PCDH15: variants seen among roughly 807,000 people sequenced by gnomAD.
The protein encoded by PCDH15 is protocadherin related 15.
PCDH15 carries 129 observed loss-of-function variants against 178.5 expected under a neutral mutation model. The observed-to-expected ratio is 0.72, with a 90% CI of 0.63 to 0.84. The LOEUF (loss-of-function observed/expected upper bound fraction) is 0.84. Among genes scored for constraint, PCDH15 ranks in the 40% least tolerant of loss-of-function variants. The pLI, the probability that PCDH15 is intolerant of heterozygous loss-of-function variation, is 0.00. For synonymous variants in PCDH15, 800 were observed against 732.0 expected (o/e 1.09, Z -1.50); for missense variants, 2,230 against 2,099.9 (o/e 1.06, Z -1.21).
At chr10:54,832,354 TATAAC>T (rs56368831) in intron 3 of PCDH15, among the ~76,000 whole-genome samples, 59,355 of 151,916 alleles carry the variant, frequency 0.39, 11,863 homozygotes, top group East Asian at 0.53. Context: ...TTTAATATTT[TATAAC>T]ATGTCTACTT....
intron 9 of PCDH15, among the ~76,000 whole-genome samples, chr10:54,231,886 C>T (rs1475676314): frequency 2.0e-5 from 3 of 152,096 alleles, no homozygotes. Flanking sequence ...AAGCCTGTAC[C>T]CCCATTGTAT....
In PCDH15 at chr10:53,933,618, A is replaced by G. The variant is rs1421794553; in HGVS notation, c.3373+5197T>C. 3.3e-5 allele frequency among the ~76,000 whole-genome samples: 5 copies of G among 152,180 alleles called. No individual in the cohort carries two copies. The South Asian group carries it at 8.3e-4, about 25-fold the overall frequency. On this transcript the variant is annotated intron_variant, in intron 25 of 37. Transcript: ENST00000644397. ...TTCCAAGTCTTTGCTATTGTGAATA[A>G]TGCCACAATAAACATATGTGTGCAT...
At chr10:54,992,031 T>C (rs1839513128) in intron 2 of PCDH15, among the ~76,000 whole-genome samples, 1 of 152,094 alleles carries the variant, frequency 6.6e-6, no homozygotes, top group African/African-American at 2.4e-5. Flanking sequence ...AAAATTAAAA[T>C]GCCTACTTGA....
At chr10:55,040,377 C>T (rs1840836054) in intron 2 of PCDH15, among the ~76,000 whole-genome samples, 2 of 151,846 alleles carry the variant, frequency 1.3e-5, no homozygotes, top group Admixed American at 6.6e-5. Flanking sequence ...AACTACAGGC[C>T]CAGACTGTTC....
intron 25 of PCDH15, among the ~76,000 whole-genome samples, chr10:53,916,254 T>A (rs754837451): frequency 6.6e-6 from 1 of 152,224 alleles, no homozygotes; most frequent in African/African-American, 2.4e-5. Context: ...GGATACAGAA[T>A]GCCAACTGTA....
chr10:54,198,662 C>T lies in PCDH15; in HGVS notation c.1099-2773G>A, dbSNP rs538650543. On this transcript the variant is annotated intron_variant, in intron 10 of 37. Coordinates refer to ENST00000644397, the MANE Select transcript of PCDH15 (RefSeq NM_001384140.1). Reference sequence around the variant, plus strand: ...GACTACAGGCGCCCGCCACTACGCCCGGCTAATTTTTTGTATTTTTAGTAG... The same window carrying T: ...GACTACAGGCGCCCGCCACTACGCCTGGCTAATTTTTTGTATTTTTAGTAG... Among the ~76,000 whole-genome samples the T allele has an allele frequency of 8.9e-3, 1,095 of 122,964 alleles. 300 individuals are homozygous for T. The highest frequency in any genetic ancestry group is 0.039 in the African/African-American group (913 of 23,422). The allele number at this position is 122,964 out of a possible 152,430, so 80.7% of individuals were successfully genotyped here.
chr10:54,333,004 T>A (rs1940181682), intron 6 of PCDH15, among the ~76,000 whole-genome samples: 1 of 152,082 alleles, frequency 6.6e-6, no homozygotes, highest in Admixed American at 6.6e-5. Context: ...AGTGCAGTGG[T>A]GCAATCTCAG....
At chr10:55,293,690 A>G (rs992893382) in intron 1 of PCDH15, among the ~76,000 whole-genome samples, 3 of 152,220 alleles carry the variant, frequency 2.0e-5, no homozygotes, top group Non-Finnish European at 4.4e-5. Flanking sequence ...TTGCTAAAAC[A>G]TAACAAGAGT....
At chr10:54,346,122 T>C (rs1943237979) in intron 6 of PCDH15, among the ~76,000 whole-genome samples, 1 of 152,176 alleles carries the variant, frequency 6.6e-6, no homozygotes, top group Non-Finnish European at 1.5e-5. Context: ...AGAAATTTAG[T>C]AAATGAGGCA....
At chr10:53,989,569 C>A (rs1033262084) in intron 21 of PCDH15, among the ~76,000 whole-genome samples, 2 of 152,156 alleles carry the variant, frequency 1.3e-5, no homozygotes, top group East Asian at 1.9e-4. Context: ...GTATTTGAGA[C>A]AAATGGGAGT....
intron 2 of PCDH15, among the ~76,000 whole-genome samples, chr10:54,609,018 C>T (rs941766652): frequency 6.6e-6 from 1 of 151,874 alleles, no homozygotes; most frequent in Non-Finnish European, 1.5e-5. Context: ...ACTACAAGCG[C>T]ACGAATAATG....
chr10:54,387,157 T>A (rs1353065881), intron 3 of PCDH15, among the ~76,000 whole-genome samples: 2 of 152,156 alleles, frequency 1.3e-5, no homozygotes, highest in South Asian at 4.1e-4. Flanking sequence ...ATGGAAATTG[T>A]GGAAAACAAA....
In PCDH15 at chr10:55,513,403, T is replaced by A. The variant is rs567233508; in HGVS notation, c.-156+114222A>T. Among the ~76,000 whole-genome samples, 327 of 152,208 alleles carry A rather than the reference T, an allele frequency of 2.1e-3. 1 individual carries two copies. Among genetic ancestry groups the A allele is most frequent in the African/African-American group, 7.8e-3 (324 of 41,566 alleles). On this transcript the variant is annotated intron_variant, in intron 2 of 5. Transcript: ENST00000613346. ...GTATTCTCTAGTATTGATTATGCCTTTTTTGCTTATCTACCTTTCTTTCAA... is the reference window on the plus strand; with the variant it reads ...GTATTCTCTAGTATTGATTATGCCTATTTTGCTTATCTACCTTTCTTTCAA...
At chr10:54,385,894 C>CA (rs1488025129) in intron 3 of PCDH15, among the ~76,000 whole-genome samples, 1 of 152,092 alleles carries the variant, frequency 6.6e-6, no homozygotes, top group Non-Finnish European at 1.5e-5. Flanking sequence ...ACTTTACTTT[C>CA]AAAAATATTT....
At chr10:54,479,608 G>T (rs74364729) in intron 3 of PCDH15, among the ~76,000 whole-genome samples, 1,994 of 151,750 alleles carry the variant, frequency 0.013, 29 homozygotes, top group African/African-American at 0.046. Flanking sequence ...ATGTTAAAAA[G>T]AATCAAAACT....
At chr10:55,361,551 A>G (rs1845230448) in intron 2 of PCDH15, among the ~76,000 whole-genome samples, 1 of 152,010 alleles carries the variant, frequency 6.6e-6, no homozygotes, top group Non-Finnish European at 1.5e-5. Context: ...AAAAAGTTTC[A>G]AAATAACCTG....
intron 3 of PCDH15, among the ~76,000 whole-genome samples, chr10:54,848,185 C>T (rs1222012281): frequency 2.0e-5 from 3 of 151,958 alleles, no homozygotes; most frequent in African/African-American, 7.3e-5. Context: ...TTGAGACCAG[C>T]CTGGCCAACA....
At chr10:53,813,064 C>A (rs919205946) in intron 35 of PCDH15, among the ~76,000 whole-genome samples, 1 of 152,104 alleles carries the variant, frequency 6.6e-6, no homozygotes, top group Non-Finnish European at 1.5e-5. Flanking sequence ...ATGACACCAA[C>A]ACTGTGGATG....
chr10:55,425,673 A>AC (rs200830285), intron 2 of PCDH15, among the ~76,000 whole-genome samples: 32,182 of 151,004 alleles, frequency 0.21, 3,771 homozygotes, highest in African/African-American at 0.31. Context: ...CACACACACA[A>AC]AAAAAAACAG....
Sources: allele counts gnomAD v4.1 joint callset (sites outside exome capture counted in the v4.1 genomes callset), GRCh38; gene constraint gnomAD v4.1.1; transcripts MANE v1.5; gene names NCBI Gene and HGNC (gene_info 2026-07-23, HGNC 2026-07-21).